EIF4A3: variants seen among roughly 807,000 people sequenced by gnomAD.
EIF4A3 encodes eukaryotic translation initiation factor 4A3.
Under a neutral mutation model 55.6 loss-of-function variants are expected in EIF4A3, and 1 was observed. The observed-to-expected ratio is 0.02, with a 90% CI of 0.01 to 0.09. The LOEUF is 0.09. Among genes scored for constraint, EIF4A3 ranks in the 10% least tolerant of loss-of-function variants. EIF4A3 has a pLI of 1.00. For missense variants in EIF4A3, 221 were observed against 540.7 expected, an observed-to-expected ratio of 0.41 and a Z score of 5.86; for synonymous variants, 194 against 196.3, an observed-to-expected ratio of 0.99 and a Z score of 0.10.
At chr17:80,138,450 C>G in intron 7 of EIF4A3, 170 bp from the exon 8 acceptor site, 1 of 663,692 alleles carries the variant, frequency 1.5e-6, no homozygotes, top group Non-Finnish European at 2.6e-6. Context: ...TTCCGTCACA[C>G]AGGCCTCCAT....
At chr17:80,136,356 T>A in intron 9 of EIF4A3, 21 bp from the exon 10 acceptor site, 1 of 1,589,184 alleles carries the variant, frequency 6.3e-7, no homozygotes, top group Non-Finnish European at 8.6e-7. Flanking sequence ...AAAGAGTGTT[T>A]GAGGCGATTA....
At position 80,146,964 on chromosome 17, in the gene EIF4A3, T is replaced by G. The variant is rs1400319041; in HGVS notation, c.-3A>C. ...GCCATCGTGGCCGTGGTCGCCATGA[T>G]TCAGAGTCCGCGGAAGAGCACAGCG... On this transcript the variant is annotated 5_prime_UTR_variant, in exon 1 of 12. Transcript: ENST00000649764. 6.2e-7 allele frequency: 1 copy of G among 1,603,280 alleles called. No individual in the cohort carries two copies. Among genetic ancestry groups the G allele is most frequent in the African/African-American group, 1.4e-5 (1 of 73,500 alleles).
At chr17:80,139,968 T>C in intron 5 of EIF4A3, 40 bp downstream of exon 5, 2 of 1,597,262 alleles carry the variant, frequency 1.3e-6, no homozygotes, top group South Asian at 1.1e-5. Flanking sequence ...TTCTTACAAA[T>C]ACTACCGGCA....
intron 5 of EIF4A3, 101 bp from the exon 6 acceptor site, chr17:80,139,851 G>A: frequency 6.7e-7 from 1 of 1,491,272 alleles, no homozygotes. Context: ...CATTCCACTG[G>A]TCTCAGGGTT....
In EIF4A3 at chr17:80,138,048, A is replaced by G. The variant is rs180766063; in HGVS notation, c.867+94T>C. ...CCCTGAAAGCTTAAAATATGGACAA[A>G]CTGGCCCTTTACTGAAAAATCTTGA... On this transcript the variant is annotated intron_variant, in intron 8 of 11. Coordinates refer to ENST00000649764, the MANE Select transcript of EIF4A3 (RefSeq NM_014740.4). 1,627 of 1,489,576 alleles carry G rather than the reference A, an allele frequency of 1.1e-3. 3 individuals are homozygous for G. The highest frequency in any genetic ancestry group is 9.0e-4 in the Non-Finnish European group (977 of 1,090,594). 92.3% of individuals were successfully genotyped at this position (1,489,576 alleles called of 1,614,324 possible).
chr17:80,138,957 C>T lies in EIF4A3; in HGVS notation c.728+64G>A, dbSNP rs191691560. On this transcript the variant is annotated intron_variant, in intron 7 of 11. Transcript: ENST00000649764. ...TGGCTATAAAAAGTTTTTGAAATTA[C>T]GACATAAAATCCTTTATAAATGCGG... The T allele has an allele frequency of 1.2e-4, 196 of 1,578,336 alleles. 4 individuals carry two copies. In the South Asian group the frequency reaches 1.9e-3, roughly 16 times the overall value.
intron 8 of EIF4A3, 32 bp from the exon 9 acceptor site, chr17:80,137,533 G>A (rs780921632): frequency 1.5e-5 from 24 of 1,568,242 alleles, no homozygotes; most frequent in South Asian, 5.6e-5. Flanking sequence ...GCTACTGCAA[G>A]CTAGTATACC....
intron 8 of EIF4A3, 90 bp downstream of exon 8, chr17:80,138,052 G>T: frequency 6.7e-7 from 1 of 1,497,550 alleles, no homozygotes; most frequent in Non-Finnish European, 9.1e-7. Context: ...GGACAAACTG[G>T]CCCTTTACTG....
intron 5 of EIF4A3, 34 bp downstream of exon 5, chr17:80,139,974 C>T (rs886652967): frequency 2.0e-5 from 32 of 1,601,946 alleles, no homozygotes; most frequent in African/African-American, 4.0e-5. Context: ...CAAATACTAC[C>T]GGCAGCACCA....
At chr17:80,136,381 G>T in intron 9 of EIF4A3, 46 bp from the exon 10 acceptor site, 1 of 1,484,958 alleles carries the variant, frequency 6.7e-7, no homozygotes, top group Non-Finnish European at 9.3e-7. Context: ...ACTCATACAA[G>T]TGTAAGACTG....
Position 80,135,994 on chromosome 17 carries a change from G to A in EIF4A3, c.1219+10C>T, listed in dbSNP as rs568631923. On this transcript the variant is annotated intron_variant, in intron 11 of 11. Transcript: ENST00000649764. ...CTCTACAATTACAGTAGAGCTGGACGATTTCCTACCGTTCATCGGCATCTC... is the reference window on the plus strand; with the variant it reads ...CTCTACAATTACAGTAGAGCTGGACAATTTCCTACCGTTCATCGGCATCTC... 5 of 1,613,200 alleles carry A rather than the reference G, an allele frequency of 3.1e-6. No homozygotes were observed. The African/African-American group carries it at 4.0e-5, about 13-fold the overall frequency.
At position 80,136,810 on chromosome 17, in the gene EIF4A3, GAA is replaced by G. The variant is rs3035988; in HGVS notation, c.984-477_984-476del. 205 of 132,628 alleles carry G rather than the reference GAA, an allele frequency of 1.5e-3. 1 individual carries two copies. The highest frequency in any genetic ancestry group is 2.3e-3 in the Non-Finnish European group (148 of 63,644). 8.2% of individuals were successfully genotyped at this position (132,628 alleles called of 1,614,324 possible). On this transcript the variant is annotated intron_variant, in intron 9 of 11. Coordinates refer to ENST00000649764, the MANE Select transcript of EIF4A3 (RefSeq NM_014740.4). ...GTGAAACCCCATCTCTACTAAAAAT[GAA>G]AAAAAAAAAAAAAAATTAGCCATTC...
At position 80,134,516 on chromosome 17, in the gene EIF4A3, A is replaced by G. The variant is rs913807015; in HGVS notation, c.*974T>C. ...GAGATCCTGGGCTCTCAAAAAAACAACAAAAAAAAAAAATTAGAAAAATGA... is the reference window on the plus strand; with the variant it reads ...GAGATCCTGGGCTCTCAAAAAAACAGCAAAAAAAAAAAATTAGAAAAATGA... On this transcript the variant is annotated 3_prime_UTR_variant, in exon 12 of 12. Coordinates refer to ENST00000649764, the MANE Select transcript of EIF4A3 (RefSeq NM_014740.4). Among the ~76,000 whole-genome samples, 1 of 150,950 alleles carries G rather than the reference A, an allele frequency of 6.6e-6. No individual in the cohort carries two copies. The highest frequency in any genetic ancestry group is 1.5e-5 in the Non-Finnish European group (1 of 67,846).
chr17:80,146,582 G>T (rs1463167583), intron 1 of EIF4A3, among the ~76,000 whole-genome samples: 1 of 152,124 alleles, frequency 6.6e-6, no homozygotes, highest in African/African-American at 2.4e-5. Flanking sequence ...AGCTCTGCAC[G>T]GGGGACACAC....
chr17:80,143,837 G>A (rs1297350579), intron 2 of EIF4A3, among the ~76,000 whole-genome samples: 7 of 152,004 alleles, frequency 4.6e-5, no homozygotes, highest in Non-Finnish European at 8.8e-5. Context: ...AAAATTAGTC[G>A]GGCATGGTGG....
intron 4 of EIF4A3, chr17:80,140,459 G>A (rs1414086929): frequency 9.6e-6 from 2 of 209,172 alleles, no homozygotes; most frequent in Non-Finnish European, 1.9e-5. Context: ...GACTACAGGC[G>A]CCCGCCACCA....
rs188408639 is a variant in EIF4A3, at chr17:80,135,367, C to T, written c.*123G>A. On this transcript the variant is annotated 3_prime_UTR_variant, in exon 12 of 12. Coordinates refer to ENST00000649764, the MANE Select transcript of EIF4A3 (RefSeq NM_014740.4). ...CATATCCTCTTCAAAGGAAGGGAGA[C>T]GGCAGGCCATTTATGAGAAGAAAGT... The T allele has an allele frequency of 2.6e-5, 29 of 1,126,518 alleles. No homozygotes were observed. The highest frequency in any genetic ancestry group is 2.3e-4 in the Admixed American group (7 of 30,090). The allele number at this position is 1,126,518 out of a possible 1,614,324, so 69.8% of individuals were successfully genotyped here.
In EIF4A3 at chr17:80,140,481, T is replaced by G. The variant is rs189390160; in HGVS notation, c.373-341A>C. 4 of 194,328 alleles carry G rather than the reference T, an allele frequency of 2.1e-5. No individual in the cohort carries two copies. In the East Asian group the frequency reaches 6.0e-4, roughly 29 times the overall value. The allele number at this position is 194,328 out of a possible 1,614,324, so 12.0% of individuals were successfully genotyped here. A position where few individuals can be genotyped will look rare whatever the true frequency, so the allele number is the denominator to read the frequency against. ...GGCGCCCGCCACCACACCAGGCTAA[T>G]TTTGTTTTTGTATTTTTAGTAGAGA... On this transcript the variant is annotated intron_variant, in intron 4 of 11. Transcript: ENST00000649764.
chr17:80,135,534 G>T (rs1387775570), intron 11 of EIF4A3, 28 bp from the exon 12 acceptor site: 3 of 1,537,230 alleles, frequency 2.0e-6, no homozygotes, highest in Non-Finnish European at 2.6e-6. Context: ...AACAGATTAA[G>T]GAACAACACA....
Sources: allele counts gnomAD v4.1 joint callset (sites outside exome capture counted in the v4.1 genomes callset), GRCh38; gene constraint gnomAD v4.1.1; transcripts MANE v1.5; gene names NCBI Gene and HGNC (gene_info 2026-07-23, HGNC 2026-07-21).